Variants in NRCAM observed in about 807,000 individuals in gnomAD.
The protein encoded by NRCAM is neuronal cell adhesion molecule.
Under a neutral mutation model 156.5 loss-of-function variants are expected in NRCAM, and 83 were observed. The observed-to-expected ratio is 0.53, with a 90% CI of 0.44 to 0.64. NRCAM has a LOEUF of 0.64. NRCAM is among the 30% of genes least tolerant of loss of function. The probability of loss-of-function intolerance (pLI) is 0.00; values close to 1 mark genes in which losing one functional copy is unlikely to be tolerated. For missense variants in NRCAM, 1,417 were observed against 1,597.3 expected, an observed-to-expected ratio of 0.89 and a Z score of 1.92; for synonymous variants, 538 against 563.9, an observed-to-expected ratio of 0.95 and a Z score of 0.65.
chr7:108,228,567 A>C (rs17388712), intron 8 of NRCAM, among the ~76,000 whole-genome samples: 2,594 of 152,284 alleles, frequency 0.017, 43 homozygotes, highest in South Asian at 0.05. Context: ...ATGCTATATA[A>C]ATTTTTTTCT....
chr7:108,444,427 A>G (rs1842229378), intron 1 of NRCAM, among the ~76,000 whole-genome samples: 1 of 151,830 alleles, frequency 6.6e-6, no homozygotes, highest in South Asian at 2.1e-4. Flanking sequence ...TGTATTCTGT[A>G]TTAGTTTGCC....
intron 3 of NRCAM, among the ~76,000 whole-genome samples, chr7:108,282,126 C>T (rs1250543987): frequency 6.6e-6 from 1 of 152,106 alleles, no homozygotes; most frequent in Admixed American, 6.5e-5. Context: ...AGTACACAAA[C>T]TTAGTAGTAT....
chr7:108,451,982 C>CA (rs1477989992), intron 1 of NRCAM, among the ~76,000 whole-genome samples: 1 of 152,112 alleles, frequency 6.6e-6, no homozygotes, highest in Non-Finnish European at 1.5e-5. Flanking sequence ...AAAAACTTAG[C>CA]AAAAACATTT....
chr7:108,288,387 T>C (rs1455159244), intron 3 of NRCAM, among the ~76,000 whole-genome samples: 1 of 152,044 alleles, frequency 6.6e-6, no homozygotes, highest in Non-Finnish European at 1.5e-5. Context: ...CCTAAATCCA[T>C]AAAAATAAAA....
chr7:108,394,318 T>C (rs2099770833), intron 2 of NRCAM, among the ~76,000 whole-genome samples: 1 of 152,202 alleles, frequency 6.6e-6, no homozygotes, highest in Non-Finnish European at 1.5e-5. Context: ...ACAGTGACTG[T>C]GTCTTCTGAT....
At chr7:108,351,136 T>C (rs1010382122) in intron 2 of NRCAM, among the ~76,000 whole-genome samples, 1 of 152,316 alleles carries the variant, frequency 6.6e-6, no homozygotes, top group East Asian at 1.9e-4. Flanking sequence ...ATTATGTGAC[T>C]AGATTAGTGA....
chr7:108,255,025 A>T (rs2096558565), intron 3 of NRCAM, among the ~76,000 whole-genome samples: 1 of 152,222 alleles, frequency 6.6e-6, no homozygotes, highest in Non-Finnish European at 1.5e-5. Flanking sequence ...TAACGGATGA[A>T]AGAATAAGCA....
At chr7:108,410,665 G>A (rs1794279683) in intron 1 of NRCAM, among the ~76,000 whole-genome samples, 1 of 152,218 alleles carries the variant, frequency 6.6e-6, no homozygotes, top group Non-Finnish European at 1.5e-5. Context: ...TTTGTAAGGA[G>A]AACTGTCCAA....
chr7:108,387,728 A>T (rs1354133445), intron 2 of NRCAM, among the ~76,000 whole-genome samples: 1 of 96,258 alleles, frequency 1.0e-5, no homozygotes, highest in Non-Finnish European at 2.1e-5. Flanking sequence ...CCCACCCCAC[A>T]ACAGGGTGTG....
At chr7:108,272,518 C>A (rs535891429) in intron 3 of NRCAM, among the ~76,000 whole-genome samples, 7 of 152,154 alleles carry the variant, frequency 4.6e-5, no homozygotes, top group Non-Finnish European at 1.0e-4. Flanking sequence ...GTACGTTTTA[C>A]TGAAGAGTTA....
intron 32 of NRCAM, among the ~76,000 whole-genome samples, chr7:108,158,019 T>C (rs766517919): frequency 1.3e-5 from 2 of 152,150 alleles, no homozygotes; most frequent in Non-Finnish European, 2.9e-5. Context: ...TTAGTAATTG[T>C]AAGCTTACCT....
At chr7:108,409,867 T>C (rs1793190493) in intron 1 of NRCAM, among the ~76,000 whole-genome samples, 1 of 152,230 alleles carries the variant, frequency 6.6e-6, no homozygotes, top group African/African-American at 2.4e-5. Flanking sequence ...CACTATATCA[T>C]AATTTGCAGT....
chr7:108,334,122 G>T (rs979694985), intron 2 of NRCAM, among the ~76,000 whole-genome samples: 1 of 152,094 alleles, frequency 6.6e-6, no homozygotes, highest in Admixed American at 6.5e-5. Context: ...ACAACATCAA[G>T]AATTTTTGAA....
intron 1 of NRCAM, among the ~76,000 whole-genome samples, chr7:108,445,257 G>A (rs577346926): frequency 5.9e-5 from 9 of 152,250 alleles, no homozygotes; most frequent in African/African-American, 2.2e-4. Flanking sequence ...ACACACTGCC[G>A]ACAGCTTTGC....
In NRCAM at chr7:108,188,363, G is replaced by A. The variant is rs755470711; in HGVS notation, c.2035+1282C>T. ...TCCTTACAGCAGGTTCGCCCTTGAA[G>A]GTAGATCTGAGTCCTCTGTGTGTGT... On this transcript the variant is annotated intron_variant, in intron 20 of 32. Transcript: ENST00000379028. Among the ~76,000 whole-genome samples the A allele has an allele frequency of 2.0e-5, 3 of 146,872 alleles. No homozygotes were observed. In the Admixed American group the frequency reaches 2.1e-4, roughly 10 times the overall value.
rs538179331 is a variant in NRCAM, at chr7:108,308,046, A to T, written c.-107+4619T>A. Among the ~76,000 whole-genome samples, 10 of 152,348 alleles carry T rather than the reference A, an allele frequency of 6.6e-5. No individual in the cohort carries two copies. In the South Asian group the frequency reaches 1.5e-3, roughly 22 times the overall value. ...CTCACCCATTAGGTTATGTTGCACA[A>T]TTAAAGTTCAATAAATGATGATTCT... On this transcript the variant is annotated intron_variant, in intron 3 of 32. Transcript: ENST00000379028.
In NRCAM at chr7:108,191,779, G is replaced by C. The variant is rs1381337101; in HGVS notation, c.1853C>G (p.Ala618Gly). The C allele has an allele frequency of 1.9e-6, 3 of 1,613,888 alleles. No individual in the cohort carries two copies. Among genetic ancestry groups the C allele is most frequent in the Non-Finnish European group, 1.7e-6 (2 of 1,180,024 alleles). Residue 618 changes from alanine to glycine, a missense_variant, in exon 18 of 33, where the codon GCC becomes GGC. Ala to Gly is a moderately conservative substitution (Grantham distance 60). Transcript: ENST00000379028. ...DDDSGTYTCV[A>G]NTTLDSVSAS... is the part of the protein sequence containing the mutation. ...GGAGACGCTGTCCAGAGTGGTGTTG[G>C]CCACACACGTGTAGGTCCCGCTGTC...
chr7:108,379,879 T>A (rs1330071734), intron 2 of NRCAM, among the ~76,000 whole-genome samples: 2 of 152,050 alleles, frequency 1.3e-5, no homozygotes, highest in Admixed American at 6.6e-5. Context: ...ATAAAAAAAA[T>A]AACGCACTGG....
At chr7:108,433,937 C>G (rs937094644) in intron 1 of NRCAM, among the ~76,000 whole-genome samples, 3 of 152,216 alleles carry the variant, frequency 2.0e-5, no homozygotes, top group South Asian at 2.1e-4. Context: ...TGAGCCTTCA[C>G]AAACACACAC....
Sources: gnomAD v4.1 joint callset for allele counts (sites outside exome capture counted in the v4.1 genomes callset) on GRCh38, gnomAD v4.1.1 for gene constraint, MANE v1.5 for transcripts, NCBI Gene and HGNC (gene_info 2026-07-23, HGNC 2026-07-21) for gene names.